Variants in SHISA6 observed in about 807,000 individuals in gnomAD.
SHISA6 encodes the protein shisa family member 6.
A neutral mutation model predicts 47.9 loss-of-function variants in SHISA6; 22 were observed. The observed-to-expected ratio is 0.46, with a 90% confidence interval of 0.33 to 0.66. The LOEUF (loss-of-function observed/expected upper bound fraction) is 0.66. SHISA6 is among the 30% of genes least tolerant of loss of function. The probability of loss-of-function intolerance (pLI) is 0.02; values close to 1 mark genes in which losing one functional copy is unlikely to be tolerated. For missense variants in SHISA6, 680 were observed against 764.6 expected, an observed-to-expected ratio of 0.89 and a Z score of 1.30; for synonymous variants, 388 against 337.8, an observed-to-expected ratio of 1.15 and a Z score of -1.63.
chr17:11,257,889 T>C (rs1270487749), intron 1 of SHISA6, among the ~76,000 whole-genome samples: 1 of 152,226 alleles, frequency 6.6e-6, no homozygotes, highest in African/African-American at 2.4e-5. Flanking sequence ...TTGTAGTTTT[T>C]ATATGAACAG....
chr17:11,343,258 A>C (rs1007475771), intron 2 of SHISA6, among the ~76,000 whole-genome samples: 3 of 152,184 alleles, frequency 2.0e-5, no homozygotes, highest in Non-Finnish European at 4.4e-5. Flanking sequence ...CTTCTCAGTT[A>C]ATTTCCCTGG....
intron 3 of SHISA6, among the ~76,000 whole-genome samples, chr17:11,497,270 GTC>G (rs1224378339): frequency 6.6e-6 from 1 of 152,198 alleles, no homozygotes; most frequent in Non-Finnish European, 1.5e-5. Context: ...AAATTCTGGT[GTC>G]TCCGCTATCA....
intron 3 of SHISA6, among the ~76,000 whole-genome samples, chr17:11,480,492 G>T (rs951368075): frequency 1.3e-5 from 2 of 152,126 alleles, no homozygotes; most frequent in Non-Finnish European, 2.9e-5. Flanking sequence ...GGAGAAGGAA[G>T]GTATGGCCAG....
chr17:11,255,336 AG>A (rs1907966545), intron 1 of SHISA6, among the ~76,000 whole-genome samples: 1 of 152,132 alleles, frequency 6.6e-6, no homozygotes, highest in South Asian at 2.1e-4. Flanking sequence ...TGAAGGGAGG[AG>A]GGAGGAAAGA....
intron 2 of SHISA6, among the ~76,000 whole-genome samples, chr17:11,325,633 C>G (rs1042862353): frequency 6.6e-6 from 1 of 151,952 alleles, no homozygotes; most frequent in African/African-American, 2.4e-5. Context: ...GAAATCTTCC[C>G]CATGTACTTT....
At chr17:11,453,857 A>G (rs751992725) in intron 3 of SHISA6, among the ~76,000 whole-genome samples, 8 of 152,196 alleles carry the variant, frequency 5.3e-5, no homozygotes, top group Non-Finnish European at 8.8e-5. Flanking sequence ...AGGTCAGACT[A>G]TAGGGACAGA....
intron 2 of SHISA6, among the ~76,000 whole-genome samples, chr17:11,284,835 A>G (rs1047722240): frequency 2.0e-5 from 3 of 152,182 alleles, no homozygotes; most frequent in Non-Finnish European, 4.4e-5. Context: ...GCTGGGACCA[A>G]AGCAATTTAG....
Position 11,385,623 on chromosome 17 carries a change from G to A in SHISA6, c.895+6114G>A, listed in dbSNP as rs189828296. On this transcript the variant is annotated intron_variant, in intron 3 of 5. Coordinates refer to ENST00000441885, the MANE Select transcript of SHISA6 (RefSeq NM_207386.4). ...AAAACTCTTGGTTGGGGATAGAAGGGTAGGAGTTTCCAGTAGGTGAGTGGC... is the reference window on the plus strand; with the variant it reads ...AAAACTCTTGGTTGGGGATAGAAGGATAGGAGTTTCCAGTAGGTGAGTGGC... 2.1e-3 allele frequency among the ~76,000 whole-genome samples: 317 copies of A among 152,274 alleles called. 2 individuals are homozygous for A. The highest frequency in any genetic ancestry group is 3.3e-3 in the Non-Finnish European group (225 of 68,018).
intron 3 of SHISA6, among the ~76,000 whole-genome samples, chr17:11,467,588 C>G (rs534731437): frequency 6.6e-6 from 1 of 152,290 alleles, no homozygotes; most frequent in Non-Finnish European, 1.5e-5. Flanking sequence ...CACTTAAGAG[C>G]CTCTGAGCCT....
rs1290199316 is a variant in SHISA6, at chr17:11,454,197, T to C, written c.895+74688T>C. Among the ~76,000 whole-genome samples, 3 of 152,298 alleles carry C rather than the reference T, an allele frequency of 2.0e-5. No homozygotes were observed. In the East Asian group the frequency reaches 5.8e-4, roughly 29 times the overall value. ...TCCTACTCCCCATATTCAATCTATT[T>C]CTGCACATCTTCAAGGTTCTACCTC... On this transcript the variant is annotated intron_variant, in intron 3 of 5. Coordinates refer to ENST00000441885, the MANE Select transcript of SHISA6 (RefSeq NM_207386.4).
At chr17:11,263,887 C>G (rs1029755568) in intron 2 of SHISA6, among the ~76,000 whole-genome samples, 2 of 152,138 alleles carry the variant, frequency 1.3e-5, no homozygotes, top group African/African-American at 4.8e-5. Context: ...AGATATGTGA[C>G]AAGAAATTAC....
intron 3 of SHISA6, among the ~76,000 whole-genome samples, chr17:11,449,194 C>T (rs972831793): frequency 2.0e-5 from 3 of 152,072 alleles, no homozygotes; most frequent in African/African-American, 7.2e-5. Flanking sequence ...GTAATCCTAG[C>T]ACTTTGAGAG....
intron 3 of SHISA6, among the ~76,000 whole-genome samples, chr17:11,389,381 T>C (rs773392964): frequency 7.9e-5 from 12 of 152,318 alleles, no homozygotes; most frequent in Admixed American, 3.3e-4. Context: ...GGTACATGTA[T>C]GCTTTCTTCA....
intron 3 of SHISA6, among the ~76,000 whole-genome samples, chr17:11,493,184 A>T (rs560146290): frequency 1.3e-5 from 2 of 152,264 alleles, no homozygotes; most frequent in East Asian, 3.9e-4. Context: ...CCACTTAGCC[A>T]AATAGGACTC....
At position 11,379,523 on chromosome 17, in the gene SHISA6, C is replaced by A; in HGVS notation, c.895+14C>A. The A allele has an allele frequency of 6.6e-7, 1 of 1,510,856 alleles. No homozygotes were observed. The highest frequency in any genetic ancestry group is 1.2e-5 in the South Asian group (1 of 80,294). The allele number at this position is 1,510,856 out of a possible 1,614,324, so 93.6% of individuals were successfully genotyped here. ...GACACACCAAGGGTACAGTGGAAAC[C>A]ATTTTTTACTAAAATACAGAGGTTG... On this transcript the variant is annotated intron_variant, in intron 3 of 5. Transcript: ENST00000441885.
At chr17:11,457,160 A>T (rs1915562743) in intron 3 of SHISA6, among the ~76,000 whole-genome samples, 1 of 152,158 alleles carries the variant, frequency 6.6e-6, no homozygotes, top group Non-Finnish European at 1.5e-5. Flanking sequence ...GATGCCCCAA[A>T]GTCTCCAAAG....
At chr17:11,327,235 C>A (rs1341486944) in intron 2 of SHISA6, among the ~76,000 whole-genome samples, 2 of 152,124 alleles carry the variant, frequency 1.3e-5, no homozygotes, top group East Asian at 3.9e-4. Flanking sequence ...GGTCGCATAC[C>A]ATGAATACAC....
chr17:11,402,198 T>C (rs1913798151), intron 3 of SHISA6, among the ~76,000 whole-genome samples: 2 of 152,168 alleles, frequency 1.3e-5, no homozygotes, highest in Non-Finnish European at 2.9e-5. Flanking sequence ...TTTATTATCC[T>C]TCCTGGCCAT....
At chr17:11,389,870 G>T (rs1234187249) in intron 3 of SHISA6, among the ~76,000 whole-genome samples, 1 of 152,150 alleles carries the variant, frequency 6.6e-6, no homozygotes, top group African/African-American at 2.4e-5. Flanking sequence ...GAGTCTTACA[G>T]ACCCTGAAAG....
Sources: allele counts gnomAD v4.1 joint callset (sites outside exome capture counted in the v4.1 genomes callset), GRCh38; gene constraint gnomAD v4.1.1; transcripts MANE v1.5; gene names NCBI Gene and HGNC (gene_info 2026-07-23, HGNC 2026-07-21).